Variants in KCNT2 observed in about 807,000 individuals in gnomAD.
KCNT2 encodes the protein potassium sodium-activated channel subfamily T member 2, also known as potassium channel subfamily T member 2.
KCNT2 carries 67 observed loss-of-function variants against 153.8 expected under a neutral mutation model. The observed-to-expected ratio is 0.44, with a 90% CI of 0.36 to 0.53. The LOEUF (loss-of-function observed/expected upper bound fraction) is 0.53, where lower values mean the gene tolerates loss of function less well. Among genes scored for constraint, KCNT2 ranks in the 20% least tolerant of loss-of-function variants. The pLI, the probability that KCNT2 is intolerant of heterozygous loss-of-function variation, is 0.00. For synonymous variants in KCNT2, 500 were observed against 458.8 expected (o/e 1.09, Z -1.15); for missense variants, 975 against 1,354.8 (o/e 0.72, Z 4.40).
At chr1:196,352,366 A>G (rs1244898711) in intron 14 of KCNT2, among the ~76,000 whole-genome samples, 1 of 151,956 alleles carries the variant, frequency 6.6e-6, no homozygotes, top group Non-Finnish European at 1.5e-5. Context: ...GCTATTGATT[A>G]TTGCCACAAT....
At chr1:196,458,988 A>G (rs1174878194) in intron 8 of KCNT2, among the ~76,000 whole-genome samples, 1 of 151,904 alleles carries the variant, frequency 6.6e-6, no homozygotes, top group Non-Finnish European at 1.5e-5. Flanking sequence ...TTATTCAGTG[A>G]ATACCAATTA....
intron 1 of KCNT2, among the ~76,000 whole-genome samples, chr1:196,516,797 T>A (rs1296787745): frequency 2.0e-5 from 3 of 152,198 alleles, no homozygotes; most frequent in Non-Finnish European, 4.4e-5. Context: ...CCATCTTTGC[T>A]GTTTTGCAGT....
chr1:196,518,891 A>G (rs1447481958), intron 1 of KCNT2, among the ~76,000 whole-genome samples: 1 of 152,224 alleles, frequency 6.6e-6, no homozygotes, highest in Non-Finnish European at 1.5e-5. Context: ...AGTGAGGAAG[A>G]AAATTAACAA....
chr1:196,282,429 TAA>T (rs2147874372), intron 23 of KCNT2, 73 bp from the exon 24 acceptor site: 1 of 715,394 alleles, frequency 1.4e-6, no homozygotes, highest in African/African-American at 1.8e-5. Context: ...GTAGAACAGC[TAA>T]AAGTGTGAAC....
intron 14 of KCNT2, among the ~76,000 whole-genome samples, chr1:196,372,050 A>T (rs1668583534): frequency 6.6e-6 from 1 of 152,098 alleles, no homozygotes; most frequent in Non-Finnish European, 1.5e-5. Flanking sequence ...CTTTCTGCAA[A>T]GAAGATAAAC....
At chr1:196,339,860 A>C (rs1306937634) in intron 16 of KCNT2, among the ~76,000 whole-genome samples, 2 of 152,082 alleles carry the variant, frequency 1.3e-5, no homozygotes, top group Non-Finnish European at 2.9e-5. Flanking sequence ...GTGAGGTAAG[A>C]GATGGAAAGA....
At chr1:196,606,337 A>G (rs1251840537) in intron 1 of KCNT2, among the ~76,000 whole-genome samples, 1 of 152,262 alleles carries the variant, frequency 6.6e-6, no homozygotes, top group African/African-American at 2.4e-5. Context: ...GATTAACAAC[A>G]AATGGAACCA....
rs115946414 is a variant in KCNT2 at position 196,398,764 on chromosome 1, C to T, written c.1186-93G>A. 2,624 of 629,800 alleles carry T rather than the reference C, an allele frequency of 4.2e-3. 35 individuals carry two copies. The highest frequency in any genetic ancestry group is 0.029 in the Middle Eastern group (72 of 2,520). The allele number at this position is 629,800 out of a possible 1,614,324, so 39.0% of individuals were successfully genotyped here. On this transcript the variant is annotated intron_variant, in intron 12 of 27. Transcript: ENST00000294725. Reference sequence around the variant, plus strand: ...AGCAATCAGTTTGCTTGGTCACATCCATAGTTAAAACTTAAACATAAAAAT... The same window carrying T: ...AGCAATCAGTTTGCTTGGTCACATCTATAGTTAAAACTTAAACATAAAAAT...
intron 1 of KCNT2, among the ~76,000 whole-genome samples, chr1:196,538,936 T>C (rs146167481): frequency 3.3e-5 from 5 of 152,344 alleles, no homozygotes; most frequent in Non-Finnish European, 7.4e-5. Context: ...AAATGAAATA[T>C]TCACTTCCAT....
At chr1:196,261,394 A>T (rs987960535) in intron 25 of KCNT2, among the ~76,000 whole-genome samples, 3 of 151,936 alleles carry the variant, frequency 2.0e-5, no homozygotes, top group Non-Finnish European at 2.9e-5. Context: ...TGCCTATCAA[A>T]TTTTTCTGAA....
At chr1:196,578,246 A>G (rs973156290) in intron 1 of KCNT2, among the ~76,000 whole-genome samples, 1 of 69,118 alleles carries the variant, frequency 1.4e-5, no homozygotes, top group African/African-American at 3.4e-5. Flanking sequence ...CATAGTTAGG[A>G]AAAAAAACAA....
At chr1:196,495,736 C>T (rs11806283) in intron 1 of KCNT2, among the ~76,000 whole-genome samples, 1,749 of 152,148 alleles carry the variant, frequency 0.011, 34 homozygotes, top group African/African-American at 0.04. Flanking sequence ...TTGTCAAAGG[C>T]TTATACAAAA....
intron 1 of KCNT2, among the ~76,000 whole-genome samples, chr1:196,602,779 T>G (rs977918081): frequency 1.6e-5 from 2 of 127,184 alleles, no homozygotes; most frequent in African/African-American, 6.1e-5. Flanking sequence ...TATTTTTTTT[T>G]TTTTTTTTTT....
intron 1 of KCNT2, among the ~76,000 whole-genome samples, chr1:196,500,994 A>G (rs914561225): frequency 6.6e-6 from 1 of 152,224 alleles, no homozygotes; most frequent in African/African-American, 2.4e-5. Flanking sequence ...AATTAAAATC[A>G]CAATGAGATA....
At chr1:196,513,711 T>G (rs1361338995) in intron 1 of KCNT2, among the ~76,000 whole-genome samples, 2 of 152,220 alleles carry the variant, frequency 1.3e-5, no homozygotes, top group Non-Finnish European at 2.9e-5. Context: ...ACATGTGTTC[T>G]TGCTCAGTAC....
In KCNT2 at chr1:196,512,451, T is replaced by C. The variant is rs1282483100; in HGVS notation, c.96-20110A>G. Among the ~76,000 whole-genome samples, 7 of 152,256 alleles carry C rather than the reference T, an allele frequency of 4.6e-5. No homozygotes were observed. In the South Asian group the frequency reaches 1.2e-3, roughly 27 times the overall value. On this transcript the variant is annotated intron_variant, in intron 1 of 27. Coordinates refer to ENST00000294725, the MANE Select transcript of KCNT2 (RefSeq NM_198503.5). ...CCAGCATATCGAAACTTAAATTCCT[T>C]GTTCTCTTCCCTGAAACCTCCTTTC...
In KCNT2 at chr1:196,606,488, C is replaced by A. The variant is rs576951677; in HGVS notation, c.95+1727G>T. 2.6e-5 allele frequency among the ~76,000 whole-genome samples: 4 copies of A among 152,196 alleles called. No homozygotes were observed. In the East Asian group the frequency reaches 7.7e-4, roughly 29 times the overall value. On this transcript the variant is annotated intron_variant, in intron 1 of 27. Coordinates refer to ENST00000294725, the MANE Select transcript of KCNT2 (RefSeq NM_198503.5). ...TAAGTTAAAGTTGGGCTAGCATAACCTTTTAATAGAACATAAAATTTTAAC... is the reference window on the plus strand; with the variant it reads ...TAAGTTAAAGTTGGGCTAGCATAACATTTTAATAGAACATAAAATTTTAAC...
At chr1:196,480,509 A>G (rs1210907639) in intron 4 of KCNT2, among the ~76,000 whole-genome samples, 1 of 152,158 alleles carries the variant, frequency 6.6e-6, no homozygotes, top group African/African-American at 2.4e-5. Flanking sequence ...AGAAGTACAT[A>G]GCATTAGATG....
intron 1 of KCNT2, among the ~76,000 whole-genome samples, chr1:196,523,423 T>A (rs1287838587): frequency 6.6e-6 from 1 of 152,184 alleles, no homozygotes; most frequent in Non-Finnish European, 1.5e-5. Context: ...ATTTAAAGCC[T>A]CTCAAAAATG....
Sources: gnomAD v4.1 joint callset for allele counts (sites outside exome capture counted in the v4.1 genomes callset) on GRCh38, gnomAD v4.1.1 for gene constraint, MANE v1.5 for transcripts, NCBI Gene and HGNC (gene_info 2026-07-23, HGNC 2026-07-21) for gene names.